The following TXNL4A variants were observed in gnomAD, a reference collection of about 807,000 sequenced individuals.
The protein encoded by TXNL4A is thioredoxin-like protein 4A.
In TXNL4A, 17 loss-of-function variants were observed where a neutral mutation model predicts 14.6. The observed-to-expected ratio is 1.16, with a 90% CI of 0.80 to 1.74. TXNL4A has a LOEUF of 1.74. TXNL4A is among the 40% of genes most tolerant of loss of function. The pLI is 0.00. For synonymous variants in TXNL4A, 83 were observed against 70.6 expected, an observed-to-expected ratio of 1.18 and a Z score of -0.88; for missense variants, 74 against 195.2, an observed-to-expected ratio of 0.38 and a Z score of 3.70.
At chr18:80,018,566 C>T (rs1423500253) in intron 1 of TXNL4A, among the ~76,000 whole-genome samples, 1 of 151,708 alleles carries the variant, frequency 6.6e-6, no homozygotes, top group Non-Finnish European at 1.5e-5. Flanking sequence ...TTGAAAGGAT[C>T]AACAAAATTG....
At chr18:79,988,900 G>C (rs1049274898), upstream of TXNL4A, among the ~76,000 whole-genome samples, 1 of 152,338 alleles carries the variant, frequency 6.6e-6, no homozygotes, top group East Asian at 1.9e-4. Flanking sequence ...CCGGCACTGC[G>C]GCTCGTTTTC....
At chr18:80,031,313 T>C (rs1328818365) in intron 1 of TXNL4A, among the ~76,000 whole-genome samples, 1 of 152,292 alleles carries the variant, frequency 6.6e-6, no homozygotes, top group East Asian at 1.9e-4. Flanking sequence ...CTGACTGGCA[T>C]GCCACTGACT....
At chr18:80,033,665 G>A (rs1463478470) in intron 1 of TXNL4A, among the ~76,000 whole-genome samples, 1 of 152,238 alleles carries the variant, frequency 6.6e-6, no homozygotes, top group Non-Finnish European at 1.5e-5. Flanking sequence ...TCAGTTCCCA[G>A]TATTTAAACA....
intron 1 of TXNL4A, among the ~76,000 whole-genome samples, chr18:80,013,102 T>A (rs945627013): frequency 1.4e-5 from 2 of 146,176 alleles, no homozygotes; most frequent in African/African-American, 2.5e-5. Flanking sequence ...ACAAAAAAAA[T>A]TAAAAAAGGA....
intron 1 of TXNL4A, among the ~76,000 whole-genome samples, chr18:80,002,748 A>G (rs561885761): frequency 2.0e-5 from 3 of 152,386 alleles, no homozygotes; most frequent in African/African-American, 7.2e-5. Flanking sequence ...ACATAAAGTT[A>G]GAAACCCAAA....
intron 1 of TXNL4A, among the ~76,000 whole-genome samples, chr18:79,995,960 C>T (rs996572544): frequency 6.6e-6 from 1 of 151,870 alleles, no homozygotes; most frequent in African/African-American, 2.4e-5. Flanking sequence ...AAAAATTAGC[C>T]GGGCATGGTG....
chr18:79,979,872 T>C lies in TXNL4A; in HGVS notation c.154-2171A>G, dbSNP rs560485919. Among the ~76,000 whole-genome samples, 3 of 152,356 alleles carry C rather than the reference T, an allele frequency of 2.0e-5. No homozygotes were observed. The South Asian group carries it at 6.2e-4, about 32-fold the overall frequency. On this transcript the variant is annotated intron_variant, in intron 1 of 2. Coordinates refer to ENST00000269601, the MANE Select transcript of TXNL4A (RefSeq NM_006701.5). The stretch of plus-strand genomic sequence containing the variant: ...GATATGACATTTTAAAGGCTCTTTA[T>C]AAATACTAACTCAATGCCCTTTAGA...
chr18:80,000,788 G>A (rs2051693618), intron 1 of TXNL4A, among the ~76,000 whole-genome samples: 1 of 152,048 alleles, frequency 6.6e-6, no homozygotes, highest in East Asian at 1.9e-4. Context: ...TGAGTGGCTG[G>A]GATTACAGGC....
At chr18:80,007,237 AG>A (rs1365422183) in intron 1 of TXNL4A, among the ~76,000 whole-genome samples, 2 of 152,180 alleles carry the variant, frequency 1.3e-5, no homozygotes, top group Non-Finnish European at 2.9e-5. Context: ...GAGTTGTAGA[AG>A]GAAGGGCTTT....
intron 1 of TXNL4A, among the ~76,000 whole-genome samples, chr18:80,027,111 A>C (rs1335637598): frequency 6.6e-6 from 1 of 152,122 alleles, no homozygotes; most frequent in East Asian, 1.9e-4. Context: ...TCTCAGTCAA[A>C]TACAGATATA....
At chr18:79,997,323 A>G (rs1327338203) in intron 1 of TXNL4A, among the ~76,000 whole-genome samples, 2 of 152,028 alleles carry the variant, frequency 1.3e-5, no homozygotes, top group Non-Finnish European at 2.9e-5. Context: ...GATTAACTGA[A>G]AAGGGGGCTC....
At chr18:80,010,419 G>A (rs2051762276) in intron 1 of TXNL4A, among the ~76,000 whole-genome samples, 1 of 152,194 alleles carries the variant, frequency 6.6e-6, no homozygotes, top group South Asian at 2.1e-4. Context: ...GATTCACAGA[G>A]GCTGCTTAGC....
intron 1 of TXNL4A, among the ~76,000 whole-genome samples, chr18:80,003,977 T>C (rs1022499523): frequency 3.3e-5 from 5 of 152,048 alleles, no homozygotes; most frequent in Admixed American, 2.0e-4. Context: ...TCTTGACACA[T>C]GGGGATTACA....
intron 1 of TXNL4A, among the ~76,000 whole-genome samples, chr18:80,017,270 G>A (rs918396194): frequency 9.2e-4 from 140 of 152,224 alleles, no homozygotes; most frequent in African/African-American, 3.2e-3. Flanking sequence ...GGGCTGAGAC[G>A]ATGGGGTTTT....
chr18:80,033,826 C>CA (rs1404017694), intron 1 of TXNL4A: 2 of 139,554 alleles, frequency 1.4e-5, no homozygotes, highest in African/African-American at 5.3e-5. Context: ...CCCGTTGCCG[C>CA]CCCCCCCGCC....
chr18:80,026,911 G>C (rs758905403), intron 1 of TXNL4A, among the ~76,000 whole-genome samples: 14 of 152,160 alleles, frequency 9.2e-5, no homozygotes, highest in Non-Finnish European at 2.1e-4. Context: ...CCACAATTTA[G>C]TACCAGTAAT....
chr18:80,008,574 C>T (rs2051748030), intron 1 of TXNL4A, among the ~76,000 whole-genome samples: 2 of 152,086 alleles, frequency 1.3e-5, no homozygotes, highest in Non-Finnish European at 2.9e-5. Flanking sequence ...TTCCCTTCCT[C>T]TCCCCCTTCC....
upstream of TXNL4A, among the ~76,000 whole-genome samples, chr18:79,991,786 C>A (rs2082172): frequency 0.25 from 37,692 of 152,128 alleles, 5,960 homozygotes; most frequent in Non-Finnish European, 0.36. Flanking sequence ...CTCGTGAACC[C>A]CAAAAATCTG....
chr18:79,978,853 T>C (rs1375692368), intron 1 of TXNL4A, among the ~76,000 whole-genome samples: 1 of 151,872 alleles, frequency 6.6e-6, no homozygotes. Flanking sequence ...TTTGTTCATA[T>C]TATTTCTGTT....
Sources: gnomAD v4.1 joint callset for allele counts (sites outside exome capture counted in the v4.1 genomes callset) on GRCh38, gnomAD v4.1.1 for gene constraint, MANE v1.5 for transcripts, NCBI Gene and HGNC (gene_info 2026-07-23, HGNC 2026-07-21) for gene names.